FRY: variants seen among roughly 807,000 people sequenced by gnomAD.
FRY encodes FRY microtubule binding protein.
FRY carries 128 observed loss-of-function variants against 348.4 expected under a neutral mutation model. The observed-to-expected ratio is 0.37, with a 90% CI of 0.32 to 0.43. The LOEUF is 0.43. Among genes scored for constraint, FRY ranks in the 20% least tolerant of loss-of-function variants. The probability of loss-of-function intolerance (pLI) is 1.00; values close to 1 mark genes in which losing one functional copy is unlikely to be tolerated. For synonymous variants in FRY, 1,370 were observed against 1,374.7 expected (o/e 1.00, Z 0.08); for missense variants, 2,736 against 3,695.2 (o/e 0.74, Z 6.73).
At chr13:32,110,502 A>C (rs1192623700) in intron 3 of FRY, among the ~76,000 whole-genome samples, 1 of 152,054 alleles carries the variant, frequency 6.6e-6, no homozygotes, top group Non-Finnish European at 1.5e-5. Context: ...CAACACTCCA[A>C]AATAACTCTT....
intron 1 of FRY, among the ~76,000 whole-genome samples, chr13:32,049,619 G>A (rs1392233007): frequency 2.0e-5 from 3 of 152,176 alleles, no homozygotes. Context: ...TTTAAGCAGG[G>A]AACAGCATGA....
chr13:32,190,902 A>G (rs1190892557), intron 28 of FRY, among the ~76,000 whole-genome samples: 1 of 152,160 alleles, frequency 6.6e-6, no homozygotes, highest in African/African-American at 2.4e-5. Flanking sequence ...GCAGAAACCA[A>G]TACTTACTAT....
At chr13:32,190,550 C>T (rs1240728819) in intron 28 of FRY, among the ~76,000 whole-genome samples, 1 of 151,980 alleles carries the variant, frequency 6.6e-6, no homozygotes, top group Non-Finnish European at 1.5e-5. Flanking sequence ...TTTAATTATG[C>T]CACTTATAAT....
At chr13:32,223,216 C>G (rs1214264761) in intron 36 of FRY, among the ~76,000 whole-genome samples, 5 of 152,066 alleles carry the variant, frequency 3.3e-5, no homozygotes, top group African/African-American at 1.2e-4. Flanking sequence ...CCTTGGCCTT[C>G]CAAAGTGCTA....
chr13:32,287,821 A>G, intron 58 of FRY: 4 of 1,246,888 alleles, frequency 3.2e-6, no homozygotes, highest in East Asian at 4.7e-5. Flanking sequence ...CTGACCCTGT[A>G]CTTTCTTTCC....
chr13:32,202,422 T>C lies in FRY; in HGVS notation c.3913T>C (p.Tyr1305His), dbSNP rs1462921426. 2 of 1,613,964 alleles carry C rather than the reference T, an allele frequency of 1.2e-6. No homozygotes were observed. The highest frequency in any genetic ancestry group is 1.7e-6 in the Non-Finnish European group (2 of 1,179,954). ...VAEQRPGSIL[Y>H]GTHGPLPPLY... is the part of the protein sequence containing the mutation. The stretch of plus-strand genomic sequence containing the variant: ...TGAGCAAAGACCGGGAAGTATTCTC[T>C]ATGGAACACACGGCCCGCTGCCACC... Residue 1305 changes from tyrosine (Y) to histidine (H), a missense_variant, in exon 31 of 61, where the codon TAT becomes CAT. Around this residue, in one of 9 missense-constraint regions of FRY, gnomAD observed 794 missense variants for 977.0 expected, o/e 0.81. Transcript: ENST00000542859.
At chr13:32,034,689 C>G (rs368635374) in intron 1 of FRY, among the ~76,000 whole-genome samples, 1 of 152,304 alleles carries the variant, frequency 6.6e-6, no homozygotes, top group East Asian at 1.9e-4. Context: ...CAGTGGTGTC[C>G]TCACAGTCAA....
chr13:32,256,815 A>G (rs369230516), intron 51 of FRY, among the ~76,000 whole-genome samples: 8 of 152,252 alleles, frequency 5.3e-5, no homozygotes, highest in African/African-American at 1.9e-4. Context: ...GGGTATAAGA[A>G]TACAGGTTGA....
At chr13:32,206,728 TG>T (rs1179258170) in intron 31 of FRY, among the ~76,000 whole-genome samples, 1 of 152,242 alleles carries the variant, frequency 6.6e-6, no homozygotes, top group Non-Finnish European at 1.5e-5. Context: ...AATTACCTTT[TG>T]GCTGTTTTAG....
At chr13:32,109,242 A>G (rs546434022) in intron 3 of FRY, among the ~76,000 whole-genome samples, 1 of 152,340 alleles carries the variant, frequency 6.6e-6, no homozygotes, top group Non-Finnish European at 1.5e-5. Context: ...CAATTAAACA[A>G]ACAATGAGTG....
At chr13:32,095,019 C>T (rs891041844) in intron 2 of FRY, among the ~76,000 whole-genome samples, 7 of 152,160 alleles carry the variant, frequency 4.6e-5, no homozygotes, top group Non-Finnish European at 8.8e-5. Flanking sequence ...TTTGTTGTTG[C>T]CTGTCTTTTG....
rs550946085 is a variant in FRY, at chr13:32,181,619, CA to C, written c.2997-1356del. ...AAAGGAAAGAAATACAAGGAGATAACAATAACAATCCCTGAAATTACCCAAC... is the reference window on the plus strand; with the variant it reads ...AAAGGAAAGAAATACAAGGAGATAACATAACAATCCCTGAAATTACCCAAC... On this transcript the variant is annotated intron_variant, in intron 23 of 60. Transcript: ENST00000542859. Among the ~76,000 whole-genome samples the C allele has an allele frequency of 1.3e-3, 162 of 121,678 alleles. No individual in the cohort carries two copies. In the South Asian group the frequency reaches 0.023, roughly 18 times the overall value. The allele number at this position is 121,678 out of a possible 152,430, so 79.8% of individuals were successfully genotyped here. A position where few individuals can be genotyped will look rare whatever the true frequency, so the allele number is the denominator to read the frequency against.
intron 31 of FRY, among the ~76,000 whole-genome samples, chr13:32,202,807 A>G (rs1484913074): frequency 6.6e-6 from 1 of 151,944 alleles, no homozygotes; most frequent in Non-Finnish European, 1.5e-5. Context: ...AAAATTAGCC[A>G]GGTCTGGTGG....
chr13:32,238,100 C>A, intron 44 of FRY, 114 bp downstream of exon 44: 1 of 1,117,114 alleles, frequency 9.0e-7, no homozygotes, highest in Non-Finnish European at 1.3e-6. Context: ...AAAAATGGTT[C>A]CTTGGGAGTA....
In FRY at chr13:32,234,788, G is replaced by A. The variant is rs181716432; in HGVS notation, c.5715+27G>A. ...TATGGAAGGGAAGACCACTGAGCTC[G>A]TGAAGGATGAGCTCTCTCATCTCAA... On this transcript the variant is annotated intron_variant, in intron 42 of 60. Coordinates refer to ENST00000542859, the MANE Select transcript of FRY (RefSeq NM_023037.3). 46 of 1,560,028 alleles carry A rather than the reference G, an allele frequency of 2.9e-5. No homozygotes were observed. In the African/African-American group the frequency reaches 4.6e-4, roughly 16 times the overall value.
intron 24 of FRY, among the ~76,000 whole-genome samples, chr13:32,184,026 T>A (rs1289002199): frequency 6.6e-6 from 1 of 150,738 alleles, no homozygotes; most frequent in Non-Finnish European, 1.5e-5. Flanking sequence ...TCCCAGCTAC[T>A]AGAGTAGCCA....
At chr13:32,031,950 T>C (rs433551) in intron 1 of FRY, 85 bp downstream of exon 1, 408,098 of 775,516 alleles carry the variant, frequency 0.53, 113,359 homozygotes, top group South Asian at 0.59. Flanking sequence ...ACTGGACACA[T>C]ATGTTTGTGA....
At position 32,173,401 on chromosome 13, in the gene FRY, C is replaced by T. The variant is rs773408740; in HGVS notation, c.2186C>T (p.Ser729Leu). Reference sequence around the variant, plus strand: ...AATGGCTCCAGTCACAGAATTCAGTCGGAACGAGGTCCCCACTGCAGTGTA... The same window carrying T: ...AATGGCTCCAGTCACAGAATTCAGTTGGAACGAGGTCCCCACTGCAGTGTA... ...IANGSSHRIQ[S>L]ERGPHCSVLH... The change falls in exon 19 of 61, where the codon TCG becomes TTG. Residue 729 changes from serine (S) to leucine (L), a missense_variant. Physicochemically the swap from Ser to Leu is moderately radical, Grantham distance 145. Transcript: ENST00000542859. 8.1e-6 allele frequency: 13 copies of T among 1,612,024 alleles called. No individual in the cohort carries two copies. Among genetic ancestry groups the T allele is most frequent in the African/African-American group, 2.7e-5 (2 of 74,870 alleles).
At chr13:32,062,411 CT>C (rs1873997686) in intron 1 of FRY, among the ~76,000 whole-genome samples, 3 of 152,078 alleles carry the variant, frequency 2.0e-5, no homozygotes, top group Non-Finnish European at 4.4e-5. Context: ...CATTGCCTTT[CT>C]TGCTCATAAT....
Sources: gnomAD v4.1 joint callset for allele counts (sites outside exome capture counted in the v4.1 genomes callset) on GRCh38, gnomAD v4.1.1 for gene constraint, gnomAD v4.1.1 regional missense constraint, MANE v1.5 for transcripts, NCBI Gene and HGNC (gene_info 2026-07-23, HGNC 2026-07-21) for gene names.